Variants in POLR1D observed in about 807,000 individuals in gnomAD.
POLR1D encodes the protein DNA-directed RNA polymerases I and III subunit RPAC2.
POLR1D carries 8 observed loss-of-function variants against 10.8 expected under a neutral mutation model. The ratio of observed to expected loss-of-function variants is 0.74; its 90% confidence interval spans 0.43 to 1.33. The LOEUF (loss-of-function observed/expected upper bound fraction) is 1.33. POLR1D is among the 40% of genes most tolerant of loss of function. The pLI is 0.01. For missense variants in POLR1D, 152 were observed against 161.7 expected (o/e 0.94, Z 0.32); for synonymous variants, 54 against 57.2 (o/e 0.94, Z 0.25).
At chr13:27,659,397 C>G (rs1956337441) in intron 2 of POLR1D, among the ~76,000 whole-genome samples, 1 of 152,172 alleles carries the variant, frequency 6.6e-6, no homozygotes, top group African/African-American at 2.4e-5. Flanking sequence ...GTGGAGGAGG[C>G]TCTTGGCAAT....
chr13:27,621,800 G>A (rs914821094), upstream of POLR1D: 52 of 540,794 alleles, frequency 9.6e-5, no homozygotes, highest in African/African-American at 1.0e-3. Context: ...GGCTGGGGGT[G>A]GAGCCTCATG....
At chr13:27,648,364 C>T in intron 1 of POLR1D, 2 of 1,565,010 alleles carry the variant, frequency 1.3e-6, no homozygotes, top group Non-Finnish European at 1.8e-6. Context: ...CAAATCTTTT[C>T]CTTTTTCTTA....
chr13:27,638,474 G>A (rs1956146367), intron 1 of POLR1D, among the ~76,000 whole-genome samples: 1 of 152,124 alleles, frequency 6.6e-6, no homozygotes, highest in Admixed American at 6.5e-5. Flanking sequence ...ACTTTTTAAA[G>A]AGCATGAAAT....
downstream of POLR1D, among the ~76,000 whole-genome samples, chr13:27,628,149 G>T (rs1956036193): frequency 6.6e-6 from 1 of 152,182 alleles, no homozygotes; most frequent in Non-Finnish European, 1.5e-5. Context: ...TATTTTACAA[G>T]GATATGAATC....
intron 1 of POLR1D, among the ~76,000 whole-genome samples, chr13:27,630,280 G>C (rs1956060569): frequency 6.6e-6 from 1 of 152,018 alleles, no homozygotes; most frequent in Non-Finnish European, 1.5e-5. Context: ...AAGCTACCTT[G>C]GTGCTTTTCT....
chr13:27,645,369 C>G (rs1956209937), intron 1 of POLR1D, among the ~76,000 whole-genome samples: 2 of 152,142 alleles, frequency 1.3e-5, no homozygotes, highest in South Asian at 4.1e-4. Context: ...TCAGATGATA[C>G]CTAGCCTTAA....
In POLR1D at chr13:27,622,944, A is replaced by C. The variant is rs1340438966; in HGVS notation, c.96A>C (p.Ala32=). 6.2e-7 allele frequency: 1 copy of C among 1,612,710 alleles called. No homozygotes were observed. Among genetic ancestry groups the C allele is most frequent in the Non-Finnish European group, 8.5e-7 (1 of 1,178,692 alleles). The change falls in exon 2 of 2, where the codon GCA becomes GCC. Residue 32 remains alanine, a synonymous_variant. Coordinates refer to ENST00000302979, the MANE Select transcript of POLR1D (RefSeq NM_015972.4). ...ERKTALEMVQ[A]AGTDRHCVTF... Reference sequence around the variant, plus strand: ...AGACAGCCCTGGAAATGGTCCAGGCAGCTGGAACAGATAGACACTGTGTGA... The same window carrying C: ...AGACAGCCCTGGAAATGGTCCAGGCCGCTGGAACAGATAGACACTGTGTGA...
chr13:27,659,257 C>T (rs1165710205), intron 2 of POLR1D, among the ~76,000 whole-genome samples: 1 of 152,180 alleles, frequency 6.6e-6, no homozygotes, highest in African/African-American at 2.4e-5. Context: ...GACTCACTTT[C>T]CTGGCCTTAA....
At chr13:27,650,301 T>C (rs1438071652) in intron 2 of POLR1D, 1 of 372,908 alleles carries the variant, frequency 2.7e-6, no homozygotes, top group African/African-American at 2.1e-5. Context: ...GCATGGAATA[T>C]TGCCAAGCAA....
rs1209581594 is a variant in POLR1D at position 27,652,917 on chromosome 13, T to C, written c.101+4464T>C. On this transcript the variant is annotated intron_variant, in intron 2 of 2. Transcript: ENST00000399697. ...GAAGTTGCATTTACCATTTCTTTTTTTTTTTTTTTTTTTTTTTTTTGAGAC... is the reference window on the plus strand; with the variant it reads ...GAAGTTGCATTTACCATTTCTTTTTCTTTTTTTTTTTTTTTTTTTTGAGAC... 1.6e-4 allele frequency among the ~76,000 whole-genome samples: 21 copies of C among 134,564 alleles called. 2 individuals carry two copies. The highest frequency in any genetic ancestry group is 3.6e-4 in the Admixed American group (5 of 13,850). The allele number at this position is 134,564 out of a possible 152,430, so 88.3% of individuals were successfully genotyped here.
At chr13:27,656,380 A>G (rs938127274) in intron 2 of POLR1D, among the ~76,000 whole-genome samples, 1 of 152,226 alleles carries the variant, frequency 6.6e-6, no homozygotes, top group Non-Finnish European at 1.5e-5. Flanking sequence ...GTATATATCA[A>G]AACTACAAAT....
At chr13:27,639,558 G>GT (rs2138543772) in intron 1 of POLR1D, among the ~76,000 whole-genome samples, 1 of 152,292 alleles carries the variant, frequency 6.6e-6, no homozygotes, top group African/African-American at 2.4e-5. Flanking sequence ...TGTATTTTCT[G>GT]TATCAGGATT....
intron 1 of POLR1D, among the ~76,000 whole-genome samples, chr13:27,633,758 C>G (rs1176909284): frequency 1.3e-5 from 2 of 152,186 alleles, no homozygotes; most frequent in African/African-American, 4.8e-5. Flanking sequence ...TGAAGGATCA[C>G]CCAACATTGC....
rs57208139 is a variant in POLR1D at position 27,644,851 on chromosome 13, T to C, written c.27-3528T>C. Reference sequence around the variant, plus strand: ...AAAAACTATCTTGTTTCATGCATGTTAATGTTTCATAATCTTTGATAATTT... The same window carrying C: ...AAAAACTATCTTGTTTCATGCATGTCAATGTTTCATAATCTTTGATAATTT... On this transcript the variant is annotated intron_variant, in intron 1 of 2. Transcript: ENST00000399697. Among the ~76,000 whole-genome samples the C allele has an allele frequency of 5.5e-3, 837 of 152,322 alleles. 2 individuals carry two copies. Among genetic ancestry groups the C allele is most frequent in the African/African-American group, 0.019 (799 of 41,578 alleles).
chr13:27,623,624 G>C (rs542756384), downstream of POLR1D, among the ~76,000 whole-genome samples: 17 of 151,206 alleles, frequency 1.1e-4, no homozygotes, highest in African/African-American at 4.1e-4. Flanking sequence ...AGTGGTGGGG[G>C]TAAGGGAAGA....
intron 1 of POLR1D, among the ~76,000 whole-genome samples, chr13:27,632,007 G>A (rs1333228627): frequency 6.6e-6 from 1 of 152,172 alleles, no homozygotes; most frequent in Admixed American, 6.5e-5. Context: ...GCTGAGGGGA[G>A]GCAGGAGTAA....
intron 2 of POLR1D, chr13:27,650,084 A>G: frequency 2.5e-6 from 1 of 398,460 alleles, no homozygotes; most frequent in Non-Finnish European, 4.4e-6. Flanking sequence ...AGCCAAAATA[A>G]GACACAAAGA....
At position 27,663,684 on chromosome 13, in the gene POLR1D, C is replaced by T. The variant is rs2138575675; in HGVS notation, c.102-2002C>T. ...ACCAGTAGTTACCAAAGGTTTTGTT[C>T]TGAGATCCTGGATTACCATCACGTC... On this transcript the variant is annotated intron_variant, in intron 2 of 2. Coordinates refer to the POLR1D transcript ENST00000399697. This position sits in a 1 kb window ranked among gnomAD's most constrained non-coding sequence, Gnocchi z 4.1. Among the ~76,000 whole-genome samples, 1 of 152,266 alleles carries T rather than the reference C, an allele frequency of 6.6e-6. No homozygotes were observed. Among genetic ancestry groups the T allele is most frequent in the Admixed American group, 6.5e-5 (1 of 15,286 alleles).
At chr13:27,626,422 G>A (rs554946766), downstream of POLR1D, among the ~76,000 whole-genome samples, 3 of 152,128 alleles carry the variant, frequency 2.0e-5, no homozygotes, top group Admixed American at 6.5e-5. Context: ...ATAAACTCAC[G>A]GGTTCATACA....
Sources: allele counts gnomAD v4.1 joint callset (sites outside exome capture counted in the v4.1 genomes callset), GRCh38; gene constraint gnomAD v4.1.1; non-coding constraint Gnocchi (gnomAD v3.1); transcripts MANE v1.5; gene names NCBI Gene and HGNC (gene_info 2026-07-23, HGNC 2026-07-21).